Variants in RXRA observed in about 807,000 individuals in gnomAD.
RXRA encodes the protein retinoid X receptor alpha, also known as retinoic acid receptor RXR-alpha.
Under a neutral mutation model 44.5 loss-of-function variants are expected in RXRA, and 5 were observed. The ratio of observed to expected loss-of-function variants is 0.11; its 90% CI spans 0.06 to 0.24. The LOEUF is 0.24. Among genes scored for constraint, RXRA ranks in the 10% least tolerant of loss-of-function variants. The pLI, the probability that RXRA is intolerant of heterozygous loss-of-function variation, is 1.00. For synonymous variants in RXRA, 291 were observed against 271.4 expected (o/e 1.07, Z -0.71); for missense variants, 412 against 646.5 (o/e 0.64, Z 3.93).
chr9:134,421,128 C>T (rs11103465), intron 5 of RXRA, among the ~76,000 whole-genome samples: 2,895 of 152,356 alleles, frequency 0.019, 94 homozygotes, highest in African/African-American at 0.066. Flanking sequence ...GGGAGAGACT[C>T]GTGCGTCCTG....
At chr9:134,380,666 CA>C (rs1288492926) in intron 1 of RXRA, among the ~76,000 whole-genome samples, 1 of 152,088 alleles carries the variant, frequency 6.6e-6, no homozygotes, top group Non-Finnish European at 1.5e-5. Flanking sequence ...ATTGCTGCCC[CA>C]CGACACCTGG....
chr9:134,364,437 A>G (rs1018306403), intron 1 of RXRA, among the ~76,000 whole-genome samples: 2 of 152,204 alleles, frequency 1.3e-5, no homozygotes, highest in Non-Finnish European at 2.9e-5. Flanking sequence ...TTTGGGAACA[A>G]TGTCAACAGC....
intron 1 of RXRA, among the ~76,000 whole-genome samples, chr9:134,374,746 G>A (rs747830362): frequency 3.9e-5 from 6 of 152,258 alleles, no homozygotes; most frequent in Non-Finnish European, 8.8e-5. Context: ...TACAGAAGAG[G>A]AGATAGAGGC....
chr9:134,357,833 T>G (rs1301681175), intron 1 of RXRA, among the ~76,000 whole-genome samples: 1 of 152,206 alleles, frequency 6.6e-6, no homozygotes, highest in Non-Finnish European at 1.5e-5. Flanking sequence ...GTTTGTTTAT[T>G]GGTTTTTCCC....
intron 1 of RXRA, among the ~76,000 whole-genome samples, chr9:134,328,239 C>G (rs1378171697): frequency 6.6e-6 from 1 of 152,176 alleles, no homozygotes; most frequent in Non-Finnish European, 1.5e-5. Context: ...AGTGTCTGGC[C>G]CCTGGACGTG....
intron 2 of RXRA, chr9:134,403,135 A>C (rs147172118): frequency 8.5e-5 from 13 of 152,456 alleles, no homozygotes; most frequent in African/African-American, 3.1e-4. Flanking sequence ...CTGACCTAGG[A>C]CTGGGCTGTA....
Position 134,342,612 on chromosome 9 carries a change from T to A in RXRA, c.28+15953T>A, listed in dbSNP as rs1016335645. Among the ~76,000 whole-genome samples the A allele has an allele frequency of 1.3e-5, 2 of 152,144 alleles. No individual in the cohort carries two copies. Among genetic ancestry groups the A allele is most frequent in the East Asian group, 3.9e-4 (2 of 5,186 alleles). The stretch of plus-strand genomic sequence containing the variant: ...GCAAGGGACTGCTTGGGAGCTGCTG[T>A]GAGCCCAGGCAGGTGGTGGGGCTGC... On this transcript the variant is annotated intron_variant, in intron 1 of 9. Coordinates refer to ENST00000481739, the MANE Select transcript of RXRA (RefSeq NM_002957.6). The surrounding 1 kb of genome is among the most constrained non-coding windows in gnomAD (Gnocchi z 4.4).
Position 134,407,654 on chromosome 9 carries a change from G to T in RXRA, c.280-495G>T, listed in dbSNP as rs1261747667. Among the ~76,000 whole-genome samples, 2 of 151,996 alleles carry T rather than the reference G, an allele frequency of 1.3e-5. No homozygotes were observed. Among genetic ancestry groups the T allele is most frequent in the African/African-American group, 2.4e-5 (1 of 41,320 alleles). ...GGCCCCTGCCCTGCGGTGTTGTGGG[G>T]TGTATGTGTGGTTCTTGGGGGGGTC... On this transcript the variant is annotated intron_variant, in intron 2 of 9. Transcript: ENST00000481739. This position sits in a 1 kb window ranked among gnomAD's most constrained non-coding sequence, Gnocchi z 4.8.
At chr9:134,339,378 G>T (rs1489632558) in intron 1 of RXRA, among the ~76,000 whole-genome samples, 6 of 151,886 alleles carry the variant, frequency 4.0e-5, no homozygotes, top group Admixed American at 3.3e-4. Flanking sequence ...GTTTGTGCGC[G>T]TGAGCCTCTG....
chr9:134,404,222 C>T (rs904580381), intron 2 of RXRA: 6 of 152,300 alleles, frequency 3.9e-5, no homozygotes, highest in Admixed American at 1.3e-4. Context: ...CCAAATGCTG[C>T]CTTCTGCCTT....
In RXRA at chr9:134,366,307, AC is replaced by A. The variant is rs368560185; in HGVS notation, c.29-35317del. ...AGTGCCACAGCCTCTCCCTCTGCCC[AC>A]CCCCCCCATGCCTGCCCTGCCAGCA... On this transcript the variant is annotated intron_variant, in intron 1 of 9. Coordinates refer to ENST00000481739, the MANE Select transcript of RXRA (RefSeq NM_002957.6). The surrounding 1 kb of genome is among the most constrained non-coding windows in gnomAD (Gnocchi z 5.9). Among the ~76,000 whole-genome samples, 26 of 148,992 alleles carry A rather than the reference AC, an allele frequency of 1.7e-4. No individual in the cohort carries two copies. The highest frequency in any genetic ancestry group is 7.9e-4 in the East Asian group (4 of 5,044).
chr9:134,360,797 G>T (rs1438366149), intron 1 of RXRA, among the ~76,000 whole-genome samples: 1 of 152,202 alleles, frequency 6.6e-6, no homozygotes, highest in Non-Finnish European at 1.5e-5. Flanking sequence ...TTGAGGGACT[G>T]CCCCCAGGCA....
rs1564264943 is a variant in RXRA, at chr9:134,349,386, G to T, written c.28+22727G>T. ...CCGAGCTTGGTGGCAGGGAGGGAAG[G>T]CCTCTCCACGGGGAGCAGGAGGGAG... On this transcript the variant is annotated intron_variant, in intron 1 of 9. Coordinates refer to ENST00000481739, the MANE Select transcript of RXRA (RefSeq NM_002957.6). This position sits in a 1 kb window ranked among gnomAD's most constrained non-coding sequence, Gnocchi z 4.3. Among the ~76,000 whole-genome samples, 1 of 152,186 alleles carries T rather than the reference G, an allele frequency of 6.6e-6. No homozygotes were observed. The highest frequency in any genetic ancestry group is 1.5e-5 in the Non-Finnish European group (1 of 68,036).
chr9:134,368,150 G>T (rs1830437458), intron 1 of RXRA, among the ~76,000 whole-genome samples: 2 of 152,214 alleles, frequency 1.3e-5, no homozygotes, highest in African/African-American at 2.4e-5. Context: ...TGTGTCTCTG[G>T]AGAGCCCTCT....
chr9:134,431,022 A>G (rs1217238800), intron 7 of RXRA, among the ~76,000 whole-genome samples: 1 of 152,160 alleles, frequency 6.6e-6, no homozygotes, highest in East Asian at 1.9e-4. Context: ...AGCCTCCTTC[A>G]GATCTTCTTC....
At chr9:134,427,062 C>T (rs1160230959) in intron 6 of RXRA, 1 of 980,094 alleles carries the variant, frequency 1.0e-6, no homozygotes, top group Non-Finnish European at 1.2e-6. Context: ...TTGGGGCAAA[C>T]CCTTCCCCTC....
At chr9:134,435,402 C>G (rs114331844) in intron 9 of RXRA, among the ~76,000 whole-genome samples, 11,716 of 147,186 alleles carry the variant, frequency 0.08, 515 homozygotes, top group African/African-American at 0.19. Flanking sequence ...CCCGCCCCCC[C>G]ACTGGTCCCT....
intron 4 of RXRA, among the ~76,000 whole-genome samples, chr9:134,414,910 C>A (rs548246232): frequency 3.9e-5 from 6 of 152,158 alleles, no homozygotes; most frequent in Non-Finnish European, 7.4e-5. Flanking sequence ...AGTGACCCCG[C>A]CCCGGATGAG....
At chr9:134,423,947 A>G in intron 6 of RXRA, 9 of 985,020 alleles carry the variant, frequency 9.1e-6, no homozygotes, top group Non-Finnish European at 1.1e-5. Flanking sequence ...GGGATCCCAG[A>G]TGGTTGTGCG....
Sources: gnomAD v4.1 joint callset for allele counts (sites outside exome capture counted in the v4.1 genomes callset) on GRCh38, gnomAD v4.1.1 for gene constraint, Gnocchi (gnomAD v3.1) non-coding constraint, MANE v1.5 for transcripts, NCBI Gene and HGNC (gene_info 2026-07-23, HGNC 2026-07-21) for gene names.